OPCML: variants seen among roughly 807,000 people sequenced by gnomAD.
OPCML encodes opioid-binding protein/cell adhesion molecule.
OPCML carries 13 observed loss-of-function variants against 37.8 expected under a neutral mutation model. The observed-to-expected ratio is 0.34, with a 90% CI of 0.22 to 0.55. The LOEUF is 0.55. Ranked by LOEUF, OPCML falls within the 20% of genes least tolerant of loss-of-function variation. OPCML has a pLI of 0.91. For synonymous variants in OPCML, 176 were observed against 168.8 expected (o/e 1.04, Z -0.33); for missense variants, 341 against 435.6 (o/e 0.78, Z 1.93).
intron 2 of OPCML, among the ~76,000 whole-genome samples, chr11:132,886,487 A>G (rs1943423685): frequency 6.6e-6 from 1 of 152,208 alleles, no homozygotes; most frequent in South Asian, 2.1e-4. Flanking sequence ...CGTGAGAAGG[A>G]CCAGCTCCAG....
rs371195606 is a variant in OPCML, at chr11:132,885,681, C to T, written c.146+57245G>A. On this transcript the variant is annotated intron_variant, in intron 2 of 7. Transcript: ENST00000524381. ...TGAAAATATACAACTTCAGCTGTCA[C>T]CTGCAATAAAGAATTTTTTTCTCTT... Among the ~76,000 whole-genome samples the T allele has an allele frequency of 2.6e-5, 4 of 152,228 alleles. No individual in the cohort carries two copies. The East Asian group carries it at 5.8e-4, about 22-fold the overall frequency.
intron 1 of OPCML, among the ~76,000 whole-genome samples, chr11:133,227,085 G>C (rs773548821): frequency 6.6e-6 from 1 of 152,264 alleles, no homozygotes; most frequent in Non-Finnish European, 1.5e-5. Flanking sequence ...GTGTTAGGGG[G>C]GGGTGCTGTC....
chr11:133,364,650 C>A (rs1944500071), intron 1 of OPCML, among the ~76,000 whole-genome samples: 1 of 152,132 alleles, frequency 6.6e-6, no homozygotes, highest in African/African-American at 2.4e-5. Context: ...TTTTAAGCAT[C>A]AAATGGAAGT....
At chr11:132,679,135 T>A (rs1942833144) in intron 2 of OPCML, among the ~76,000 whole-genome samples, 2 of 152,184 alleles carry the variant, frequency 1.3e-5, no homozygotes, top group South Asian at 4.1e-4. Context: ...ATGGGAATCC[T>A]CAGGGACTGC....
At chr11:133,283,196 T>C (rs1942205798) in intron 1 of OPCML, among the ~76,000 whole-genome samples, 1 of 152,128 alleles carries the variant, frequency 6.6e-6, no homozygotes, top group Non-Finnish European at 1.5e-5. Flanking sequence ...TTTCCAAATC[T>C]CATGTTGAAA....
intron 2 of OPCML, among the ~76,000 whole-genome samples, chr11:132,938,658 C>T (rs968412395): frequency 3.9e-5 from 6 of 152,038 alleles, no homozygotes; most frequent in African/African-American, 1.2e-4. Context: ...TGCTCAAGGC[C>T]GTGGAGTTAG....
At chr11:133,324,981 A>G (rs1012072914) in intron 1 of OPCML, among the ~76,000 whole-genome samples, 3 of 152,136 alleles carry the variant, frequency 2.0e-5, no homozygotes. Flanking sequence ...GCATCCTTGA[A>G]TCTCTTTGAC....
At chr11:133,161,534 CA>C (rs1335330974) in intron 1 of OPCML, among the ~76,000 whole-genome samples, 1 of 152,136 alleles carries the variant, frequency 6.6e-6, no homozygotes, top group East Asian at 1.9e-4. Flanking sequence ...GTGAGGCTGG[CA>C]GGACAGCTTA....
intron 1 of OPCML, among the ~76,000 whole-genome samples, chr11:132,978,666 G>A (rs1946516975): frequency 6.6e-6 from 1 of 152,158 alleles, no homozygotes; most frequent in Admixed American, 6.5e-5. Flanking sequence ...ACAGGGGTCA[G>A]TCTTTGGATC....
chr11:133,357,126 AC>A (rs1944306998), intron 1 of OPCML, among the ~76,000 whole-genome samples: 1 of 152,110 alleles, frequency 6.6e-6, no homozygotes, highest in Admixed American at 6.5e-5. Context: ...CAGACTGGAG[AC>A]CCTAAAAAAT....
chr11:132,437,414 G>T (rs2136747445), intron 4 of OPCML, 55 bp from the exon 5 acceptor site: 1 of 1,596,546 alleles, frequency 6.3e-7, no homozygotes, highest in South Asian at 1.1e-5. Flanking sequence ...ACCAGGGACA[G>T]AACCATATTC....
chr11:133,231,600 A>G (rs1035022646), intron 1 of OPCML, among the ~76,000 whole-genome samples: 3 of 152,132 alleles, frequency 2.0e-5, no homozygotes, highest in Non-Finnish European at 2.9e-5. Context: ...TAAGCACAGC[A>G]GATACCTCCC....
In OPCML at chr11:133,244,468, C is replaced by T. The variant is rs150681117; in HGVS notation, c.61+287796G>A. Among the ~76,000 whole-genome samples the T allele has an allele frequency of 2.1e-3, 316 of 152,092 alleles. 1 individual carries two copies. The highest frequency in any genetic ancestry group is 7.2e-3 in the African/African-American group (297 of 41,494). ...AGCAAACAGTGTGTTCCCGAACACACGGGGTATAGAACAGGTAAGTCCTGG... is the reference window on the plus strand; with the variant it reads ...AGCAAACAGTGTGTTCCCGAACACATGGGGTATAGAACAGGTAAGTCCTGG... On this transcript the variant is annotated intron_variant, in intron 1 of 7. Transcript: ENST00000524381.
At chr11:133,058,665 G>A (rs951367279) in intron 1 of OPCML, among the ~76,000 whole-genome samples, 1 of 152,220 alleles carries the variant, frequency 6.6e-6, no homozygotes, top group African/African-American at 2.4e-5. Context: ...GGTAGTGAGC[G>A]CGGCTCCCCA....
chr11:132,465,086 T>C (rs1188562128), intron 4 of OPCML, among the ~76,000 whole-genome samples: 2 of 152,230 alleles, frequency 1.3e-5, no homozygotes. Flanking sequence ...CACATTCTTT[T>C]TATGGGCTAC....
chr11:133,169,540 C>T (rs1950259839), intron 1 of OPCML, among the ~76,000 whole-genome samples: 1 of 152,140 alleles, frequency 6.6e-6, no homozygotes, highest in African/African-American at 2.4e-5. Context: ...GTTGTAATCA[C>T]ATATTAGCAA....
intron 1 of OPCML, among the ~76,000 whole-genome samples, chr11:133,394,088 C>T (rs1945234940): frequency 6.6e-6 from 1 of 152,150 alleles, no homozygotes. Context: ...TTTCCTCTGC[C>T]CCATGCTTAA....
At chr11:133,357,990 C>T (rs1944328498) in intron 1 of OPCML, among the ~76,000 whole-genome samples, 2 of 152,148 alleles carry the variant, frequency 1.3e-5, no homozygotes, top group South Asian at 4.1e-4. Flanking sequence ...CCCCACTGCA[C>T]ACCATAGACA....
chr11:133,471,431 A>C (rs913149050), intron 1 of OPCML, among the ~76,000 whole-genome samples: 9 of 152,206 alleles, frequency 5.9e-5, no homozygotes, highest in African/African-American at 2.2e-4. Context: ...TAAGAGGAAG[A>C]GACAGACAGA....
Sources: allele counts gnomAD v4.1 joint callset (sites outside exome capture counted in the v4.1 genomes callset), GRCh38; gene constraint gnomAD v4.1.1; transcripts MANE v1.5; gene names NCBI Gene and HGNC (gene_info 2026-07-23, HGNC 2026-07-21).